ZNF277: variants seen among roughly 807,000 people sequenced by gnomAD.
The protein encoded by ZNF277 is zinc finger protein 277.
ZNF277 carries 55 observed loss-of-function variants against 60.7 expected under a neutral mutation model. The ratio of observed to expected loss-of-function variants is 0.91; its 90% CI spans 0.73 to 1.13. The LOEUF is 1.13. Among genes scored for constraint, ZNF277 ranks in the 50% most tolerant of loss-of-function variants. The pLI is 0.00. For synonymous variants in ZNF277, 178 were observed against 179.3 expected (o/e 0.99, Z 0.06); for missense variants, 510 against 523.0 (o/e 0.98, Z 0.24).
At chr7:112,215,500 G>T (rs1821856146) in intron 1 of ZNF277, among the ~76,000 whole-genome samples, 1 of 152,204 alleles carries the variant, frequency 6.6e-6, no homozygotes, top group South Asian at 2.1e-4. Flanking sequence ...GGACATCTCA[G>T]TGTAGTTGGT....
intron 1 of ZNF277, among the ~76,000 whole-genome samples, chr7:112,284,282 A>G (rs1156269172): frequency 6.6e-6 from 1 of 152,228 alleles, no homozygotes; most frequent in African/African-American, 2.4e-5. Flanking sequence ...TCAAACCAAT[A>G]AATTTCTGTA....
chr7:112,261,518 G>A (rs1184320266), intron 1 of ZNF277, among the ~76,000 whole-genome samples: 2 of 151,858 alleles, frequency 1.3e-5, no homozygotes, highest in African/African-American at 2.4e-5. Flanking sequence ...TTTTCTGTGA[G>A]GAAAGAATGA....
intron 5 of ZNF277, among the ~76,000 whole-genome samples, chr7:112,318,866 C>A (rs1311473634): frequency 6.6e-6 from 1 of 152,080 alleles, no homozygotes; most frequent in Non-Finnish European, 1.5e-5. Flanking sequence ...GTCAGAGGTT[C>A]CCACTGATAA....
chr7:112,213,242 C>T (rs749086991), intron 1 of ZNF277, among the ~76,000 whole-genome samples: 4 of 152,196 alleles, frequency 2.6e-5, no homozygotes, highest in Non-Finnish European at 5.9e-5. Flanking sequence ...CCTTGCCTTC[C>T]ACCATGATTG....
At chr7:112,217,866 A>T (rs1023901930) in intron 1 of ZNF277, among the ~76,000 whole-genome samples, 1 of 152,154 alleles carries the variant, frequency 6.6e-6, no homozygotes, top group Non-Finnish European at 1.5e-5. Flanking sequence ...TCAGTGGGTC[A>T]GCTGGTACCA....
chr7:112,293,638 A>G (rs1371740340), intron 2 of ZNF277, among the ~76,000 whole-genome samples: 1 of 152,172 alleles, frequency 6.6e-6, no homozygotes, highest in Non-Finnish European at 1.5e-5. Context: ...CGAGGATCCA[A>G]GCTCTTGCCT....
chr7:112,335,959 G>A, intron 7 of ZNF277, 145 bp from the exon 8 acceptor site: 3 of 504,692 alleles, frequency 5.9e-6, no homozygotes, highest in Non-Finnish European at 1.0e-5. Flanking sequence ...TGGGCCATCT[G>A]TATATCCTAC....
intron 1 of ZNF277, among the ~76,000 whole-genome samples, chr7:112,252,412 T>C (rs1264060851): frequency 6.6e-6 from 1 of 152,180 alleles, no homozygotes; most frequent in South Asian, 2.1e-4. Context: ...ACAATATTTT[T>C]TCTGTGTGCG....
intron 1 of ZNF277, among the ~76,000 whole-genome samples, chr7:112,260,354 CTTTG>C (rs1323172096): frequency 6.6e-6 from 1 of 152,114 alleles, no homozygotes; most frequent in African/African-American, 2.4e-5. Flanking sequence ...GCTTTCATTG[CTTTG>C]TTTGGTAGTT....
chr7:112,261,903 C>T (rs2117025381), intron 1 of ZNF277, among the ~76,000 whole-genome samples: 2 of 152,188 alleles, frequency 1.3e-5, no homozygotes, highest in South Asian at 4.1e-4. Flanking sequence ...TAAGTAACAT[C>T]TTTTGACTTA....
At chr7:112,242,669 T>C (rs1466098046) in intron 1 of ZNF277, among the ~76,000 whole-genome samples, 1 of 151,502 alleles carries the variant, frequency 6.6e-6, no homozygotes, top group Non-Finnish European at 1.5e-5. Context: ...AAATTGTAGA[T>C]GACACAAATG....
At chr7:112,262,629 T>G (rs1791463081) in intron 1 of ZNF277, among the ~76,000 whole-genome samples, 1 of 152,146 alleles carries the variant, frequency 6.6e-6, no homozygotes, top group Non-Finnish European at 1.5e-5. Context: ...TCAGAATATT[T>G]TATAAACAAT....
intron 1 of ZNF277, among the ~76,000 whole-genome samples, chr7:112,246,581 C>G (rs1791090538): frequency 6.6e-6 from 1 of 152,150 alleles, no homozygotes; most frequent in Non-Finnish European, 1.5e-5. Flanking sequence ...AGGATTTGGA[C>G]CTCATTTGAG....
chr7:112,312,793 G>T (rs1358692956), intron 4 of ZNF277, among the ~76,000 whole-genome samples: 1 of 151,956 alleles, frequency 6.6e-6, no homozygotes, highest in Non-Finnish European at 1.5e-5. Flanking sequence ...TTAGCTTCCT[G>T]GTTTACCAAT....
At chr7:112,310,372 C>T (rs762635763) in intron 4 of ZNF277, among the ~76,000 whole-genome samples, 1 of 151,626 alleles carries the variant, frequency 6.6e-6, no homozygotes, top group Non-Finnish European at 1.5e-5. Context: ...TCCGAATTCT[C>T]CACACAAACC....
At chr7:112,245,447 T>C (rs1272147188) in intron 1 of ZNF277, among the ~76,000 whole-genome samples, 5 of 152,218 alleles carry the variant, frequency 3.3e-5, no homozygotes, top group Admixed American at 1.3e-4. Flanking sequence ...TCCATGGTTG[T>C]TGTGGATACG....
chr7:112,280,931 A>T (rs985258855), intron 1 of ZNF277, among the ~76,000 whole-genome samples: 1 of 152,000 alleles, frequency 6.6e-6, no homozygotes, highest in Non-Finnish European at 1.5e-5. Flanking sequence ...CCCAGCCCCT[A>T]TTGTCTTTTA....
At chr7:112,301,193 G>A (rs1792463671) in intron 4 of ZNF277, among the ~76,000 whole-genome samples, 2 of 151,684 alleles carry the variant, frequency 1.3e-5, no homozygotes, top group African/African-American at 2.4e-5. Flanking sequence ...CGTAGCGATG[G>A]GGTCTCACTA....
At chr7:112,321,448 C>G (rs1025135487) in intron 5 of ZNF277, among the ~76,000 whole-genome samples, 14 of 152,002 alleles carry the variant, frequency 9.2e-5, no homozygotes, top group African/African-American at 3.4e-4. Flanking sequence ...AACATGTTTT[C>G]TAATTACTGC....
Sources: gnomAD v4.1 joint callset for allele counts (sites outside exome capture counted in the v4.1 genomes callset) on GRCh38, gnomAD v4.1.1 for gene constraint, MANE v1.5 for transcripts, NCBI Gene and HGNC (gene_info 2026-07-23, HGNC 2026-07-21) for gene names.